Variants in NTRK3 observed in about 807,000 individuals in gnomAD.
The protein encoded by NTRK3 is neurotrophic receptor tyrosine kinase 3.
In NTRK3, 24 loss-of-function variants were observed where a neutral mutation model predicts 91.7. The observed-to-expected ratio is 0.26, with a 90% confidence interval of 0.19 to 0.37. The LOEUF (loss-of-function observed/expected upper bound fraction) is 0.37. NTRK3 is among the 10% of genes least tolerant of loss of function. The pLI is 1.00. For synonymous variants in NTRK3, 483 were observed against 404.0 expected (o/e 1.20, Z -2.34); for missense variants, 880 against 1,068.9 (o/e 0.82, Z 2.46).
intron 13 of NTRK3, among the ~76,000 whole-genome samples, chr15:88,118,958 C>T (rs2052405464): frequency 6.6e-6 from 1 of 152,204 alleles, no homozygotes; most frequent in African/African-American, 2.4e-5. Flanking sequence ...CTTGGCCCTG[C>T]TGAACAGGAT....
At chr15:87,885,572 TAG>T in intron 17 of NTRK3, 120 bp downstream of exon 18, 1 of 496,340 alleles carries the variant, frequency 2.0e-6, no homozygotes, top group Non-Finnish European at 3.5e-6. Flanking sequence ...TGGAACAAAC[TAG>T]AGAGTCCAGA....
chr15:87,912,934 ATAT>A (rs1567099622), intron 17 of NTRK3, among the ~76,000 whole-genome samples: 31 of 21,730 alleles, frequency 1.4e-3, no homozygotes, highest in East Asian at 0.011. Flanking sequence ...AAAAAAAAAT[ATAT>A]ATATATATAT....
chr15:88,009,270 C>T (rs923996940), intron 14 of NTRK3, among the ~76,000 whole-genome samples: 6 of 152,084 alleles, frequency 3.9e-5, no homozygotes, highest in Admixed American at 1.3e-4. Context: ...CATTTATTTC[C>T]TTTATTCCTT....
At chr15:87,926,137 T>G (rs1025065036) in intron 17 of NTRK3, among the ~76,000 whole-genome samples, 2 of 152,206 alleles carry the variant, frequency 1.3e-5, no homozygotes, top group East Asian at 3.8e-4. Flanking sequence ...CAGGTAAGAT[T>G]AGGCCTAAAT....
chr15:87,895,391 C>G (rs2066061091), intron 17 of NTRK3, among the ~76,000 whole-genome samples: 1 of 152,138 alleles, frequency 6.6e-6, no homozygotes, highest in Non-Finnish European at 1.5e-5. Flanking sequence ...GCCCAAATTC[C>G]TATCTAAGGG....
intron 13 of NTRK3, among the ~76,000 whole-genome samples, chr15:88,076,154 C>A (rs886256376): frequency 5.3e-5 from 8 of 152,154 alleles, no homozygotes; most frequent in Non-Finnish European, 1.2e-4. Flanking sequence ...GGAGGCCTCA[C>A]AATTATGGCA....
rs557690557 is a variant in NTRK3 at position 87,994,912 on chromosome 15, C to G, written c.1585+37945G>C. 5.3e-4 allele frequency among the ~76,000 whole-genome samples: 81 copies of G among 152,182 alleles called. 2 individuals carry two copies. In the South Asian group the frequency reaches 0.011, roughly 20 times the overall value. ...ATCAATAGATAGAGATGAAGACTGA[C>G]AGATGGATAGATGGATAAATGAAGA... On this transcript the variant is annotated intron_variant, in intron 14 of 18. Coordinates refer to ENST00000394480, the Ensembl canonical transcript of NTRK3.
At chr15:88,139,863 G>A (rs1213075500) in intron 6 of NTRK3, among the ~76,000 whole-genome samples, 2 of 137,450 alleles carry the variant, frequency 1.5e-5, no homozygotes, top group African/African-American at 5.3e-5. Flanking sequence ...AAGCAGAGAG[G>A]AGCAAGCTAG....
chr15:88,070,806 T>C (rs894435220), intron 13 of NTRK3, among the ~76,000 whole-genome samples: 1 of 152,066 alleles, frequency 6.6e-6, no homozygotes, highest in Non-Finnish European at 1.5e-5. Flanking sequence ...GTGAATGATG[T>C]TCTTGACAAC....
At chr15:88,170,819 A>C (rs1269760753) in intron 5 of NTRK3, among the ~76,000 whole-genome samples, 1 of 152,132 alleles carries the variant, frequency 6.6e-6, no homozygotes, top group Non-Finnish European at 1.5e-5. Context: ...CCCTAAGCCC[A>C]ACCCCAGGCA....
At chr15:88,099,867 TGG>T (rs2049996525) in intron 13 of NTRK3, among the ~76,000 whole-genome samples, 1 of 152,132 alleles carries the variant, frequency 6.6e-6, no homozygotes, top group African/African-American at 2.4e-5. Context: ...ACCGACAGCA[TGG>T]ACTAGCCCCA....
intron 14 of NTRK3, among the ~76,000 whole-genome samples, chr15:88,022,127 G>A (rs868155675): frequency 7.9e-5 from 12 of 152,198 alleles, no homozygotes; most frequent in South Asian, 4.2e-4. Context: ...TTCTCTTCTG[G>A]GCAAAGTTCA....
rs574899960 is a variant in NTRK3 at position 88,146,303 on chromosome 15, T to C, written c.464+1032A>G. 3.3e-5 allele frequency among the ~76,000 whole-genome samples: 5 copies of C among 152,258 alleles called. No homozygotes were observed. The East Asian group carries it at 9.7e-4, about 29-fold the overall frequency. The stretch of plus-strand genomic sequence containing the variant: ...ATGCATCCATGAAGTCAGGTCTTGC[T>C]AGGTGAAGGGAAAACAAGTTGAAAG... On this transcript the variant is annotated intron_variant, in intron 6 of 18. Coordinates refer to ENST00000394480, the Ensembl canonical transcript of NTRK3.
At chr15:88,061,595 G>A (rs548602919) in intron 13 of NTRK3, among the ~76,000 whole-genome samples, 14 of 152,324 alleles carry the variant, frequency 9.2e-5, no homozygotes, top group African/African-American at 2.9e-4. Context: ...ATGGGCCCAC[G>A]GACACTCACG....
At chr15:87,873,168 A>G (rs937330264) in exon 19 of NTRK3, 8 of 231,890 alleles carry the variant, frequency 3.4e-5, no homozygotes, top group Admixed American at 1.7e-4. Context: ...AGTAGGCATC[A>G]CTAGAGAAGA....
rs901138490 is a variant in NTRK3, at chr15:88,038,729, A to T, written c.1397-5684T>A. ...ATAAAGTCTAAAAGACAAAAATTTT[A>T]AAATGTAAAAAAAAAGTCCAGTCTC... On this transcript the variant is annotated intron_variant, in intron 13 of 18. Coordinates refer to ENST00000394480, the Ensembl canonical transcript of NTRK3. 5.3e-5 allele frequency among the ~76,000 whole-genome samples: 8 copies of T among 152,196 alleles called. No homozygotes were observed. In the South Asian group the frequency reaches 6.2e-4, roughly 12 times the overall value.
At chr15:88,126,326 C>A (rs570462524) in exon 13 of NTRK3, 9 of 1,614,016 alleles carry the variant, frequency 5.6e-6, no homozygotes, top group African/African-American at 5.3e-5. Context: ...CGAAGAGAAC[C>A]ACCAACAGGA....
chr15:87,917,123 G>C (rs1288693827), intron 17 of NTRK3, among the ~76,000 whole-genome samples: 1 of 152,186 alleles, frequency 6.6e-6, no homozygotes, highest in African/African-American at 2.4e-5. Context: ...TATAATGTCT[G>C]TTTTATAACA....
At chr15:88,249,471 C>A (rs1348011697) in intron 3 of NTRK3, among the ~76,000 whole-genome samples, 2 of 152,196 alleles carry the variant, frequency 1.3e-5, no homozygotes, top group Admixed American at 6.5e-5. Flanking sequence ...GCCCCAGCAC[C>A]TGGGAGTGTG....
Sources: gnomAD v4.1 joint callset for allele counts (sites outside exome capture counted in the v4.1 genomes callset) on GRCh38, gnomAD v4.1.1 for gene constraint, MANE v1.5 for transcripts, NCBI Gene and HGNC (gene_info 2026-07-23, HGNC 2026-07-21) for gene names.